Variants in CRKL observed in about 807,000 individuals in gnomAD.
The protein encoded by CRKL is crk-like protein.
A neutral mutation model predicts 23.0 loss-of-function variants in CRKL; 3 were observed. The observed-to-expected ratio is 0.13, with a 90% confidence interval of 0.06 to 0.34. The LOEUF (loss-of-function observed/expected upper bound fraction) is 0.34. CRKL is among the 10% of genes least tolerant of loss of function. The pLI is 1.00. For synonymous variants in CRKL, 188 were observed against 160.7 expected, an observed-to-expected ratio of 1.17 and a Z score of -1.28; for missense variants, 256 against 394.5, an observed-to-expected ratio of 0.65 and a Z score of 2.97.
At chr22:20,937,330 G>A (rs2147908698) in intron 2 of CRKL, among the ~76,000 whole-genome samples, 1 of 152,020 alleles carries the variant, frequency 6.6e-6, no homozygotes, top group African/African-American at 2.4e-5. Flanking sequence ...GGGGAGCTAG[G>A]AGTCAGAGTG....
At chr22:20,944,098 G>A (rs1921969802) in intron 2 of CRKL, among the ~76,000 whole-genome samples, 1 of 150,748 alleles carries the variant, frequency 6.6e-6, no homozygotes, top group Non-Finnish European at 1.5e-5. Context: ...AATTTTGATA[G>A]GGATTGTGTT....
intron 2 of CRKL, among the ~76,000 whole-genome samples, chr22:20,936,378 C>T (rs975154409): frequency 1.3e-5 from 2 of 152,004 alleles, no homozygotes; most frequent in Non-Finnish European, 2.9e-5. Flanking sequence ...GACGGAGTTT[C>T]GCTCTTGTTG....
rs1221209545 is a variant in CRKL at position 20,933,858 on chromosome 22, C to G, written c.391C>G (p.Leu131Val). 1.2e-6 allele frequency: 2 copies of G among 1,613,970 alleles called. No homozygotes were observed. The highest frequency in any genetic ancestry group is 2.7e-5 in the African/African-American group (2 of 74,850). ...AGATAACCTGGAATATGTACGGACT[C>G]TGTATGATTTTCCTGGGAATGATGC... ...AEDNLEYVRT[L>V]YDFPGNDAED... The change falls in exon 2 of 3, where the codon CTG (leucine) becomes GTG (valine). Residue 131 changes from leucine to valine, a missense_variant. This residue lies in a region of CRKL where 129 missense variants were observed against 222.1 expected (regional missense o/e 0.58). Transcript: ENST00000354336.
Position 20,953,092 on chromosome 22 carries a change from T to A in CRKL, c.*3247T>A, listed in dbSNP as rs1301035198. 5 of 232,124 alleles carry A rather than the reference T, an allele frequency of 2.2e-5. No individual in the cohort carries two copies. Among genetic ancestry groups the A allele is most frequent in the Non-Finnish European group, 8.5e-6 (1 of 117,124 alleles). 14.4% of individuals were successfully genotyped at this position (232,124 alleles called of 1,614,324 possible). ...TGTTTGCTCAGAGGAATATGAACAT[T>A]TTATTTTTGAAAAGGGATGATGTGG... On this transcript the variant is annotated 3_prime_UTR_variant, in exon 3 of 3. Transcript: ENST00000354336.
intron 2 of CRKL, among the ~76,000 whole-genome samples, chr22:20,947,801 C>T (rs1208498025): frequency 5.3e-5 from 8 of 150,280 alleles, no homozygotes; most frequent in Admixed American, 2.0e-4. Context: ...GATCTTCGCA[C>T]CTCATTCTCC....
chr22:20,917,836 G>A lies in CRKL; in HGVS notation c.-99G>A. 1 of 1,191,140 alleles carries A rather than the reference G, an allele frequency of 8.4e-7. No homozygotes were observed. Among genetic ancestry groups the A allele is most frequent in the South Asian group, 1.5e-5 (1 of 65,392 alleles). 73.8% of individuals were successfully genotyped at this position (1,191,140 alleles called of 1,614,324 possible). A position where few individuals can be genotyped will look rare whatever the true frequency, so the allele number is the denominator to read the frequency against. Reference sequence around the variant, plus strand: ...GAGCGCTCCTCGAGGTGTGCGAGAGGCCCTTCCTCGGCCCCAAAGCCGTCT... The same window carrying A: ...GAGCGCTCCTCGAGGTGTGCGAGAGACCCTTCCTCGGCCCCAAAGCCGTCT... On this transcript the variant is annotated 5_prime_UTR_variant, in exon 1 of 3. Transcript: ENST00000354336.
At chr22:20,939,033 TC>T (rs1921762811) in intron 2 of CRKL, among the ~76,000 whole-genome samples, 1 of 152,136 alleles carries the variant, frequency 6.6e-6, no homozygotes. Context: ...GTCATTTAGT[TC>T]AATCATTTTC....
At chr22:20,944,530 A>C (rs1921987416) in intron 2 of CRKL, among the ~76,000 whole-genome samples, 1 of 151,698 alleles carries the variant, frequency 6.6e-6, no homozygotes, top group Non-Finnish European at 1.5e-5. Context: ...TCAGCCTCCC[A>C]AGTAGCTGGG....
At chr22:20,932,221 G>A (rs1921482020) in intron 1 of CRKL, among the ~76,000 whole-genome samples, 1 of 152,084 alleles carries the variant, frequency 6.6e-6, no homozygotes, top group Non-Finnish European at 1.5e-5. Context: ...TAATGCTCCT[G>A]CCTCAGCCTC....
chr22:20,941,597 T>A lies in CRKL; in HGVS notation c.777+7353T>A, dbSNP rs1219917311. Among the ~76,000 whole-genome samples the A allele has an allele frequency of 3.4e-4, 31 of 91,684 alleles. 1 individual carries two copies. Among genetic ancestry groups the A allele is most frequent in the East Asian group, 1.1e-3 (3 of 2,702 alleles). The allele number at this position is 91,684 out of a possible 152,430, so 60.1% of individuals were successfully genotyped here. ...GTGTGTGTATATATATATTTTTTTT[T>A]TTTTTTTTTTTTTTTGAGATAGAGT... On this transcript the variant is annotated intron_variant, in intron 2 of 2. Coordinates refer to ENST00000354336, the MANE Select transcript of CRKL (RefSeq NM_005207.4).
chr22:20,932,792 T>C (rs965771798), intron 1 of CRKL, among the ~76,000 whole-genome samples: 8 of 151,864 alleles, frequency 5.3e-5, no homozygotes, highest in Non-Finnish European at 1.2e-4. Context: ...GAAAGGAAAA[T>C]AAAGCCAGGC....
intron 1 of CRKL, among the ~76,000 whole-genome samples, chr22:20,929,568 A>G (rs750126285): frequency 2.6e-5 from 4 of 151,992 alleles, no homozygotes; most frequent in Non-Finnish European, 4.4e-5. Context: ...GGTTCAAGCA[A>G]TTCTCTTGCC....
chr22:20,938,886 G>A (rs551680927), intron 2 of CRKL, among the ~76,000 whole-genome samples: 130 of 152,254 alleles, frequency 8.5e-4, no homozygotes, highest in Non-Finnish European at 1.6e-3. Context: ...GACACAAGCT[G>A]GGGATCTGTG....
chr22:20,934,573 A>G (rs1420219333), intron 2 of CRKL, among the ~76,000 whole-genome samples: 1 of 151,726 alleles, frequency 6.6e-6, no homozygotes, highest in Non-Finnish European at 1.5e-5. Flanking sequence ...GTTCTGTCCT[A>G]TTCCTTGTTT....
rs763362875 is a variant in CRKL, at chr22:20,949,870, CT to C, written c.*28del. On this transcript the variant is annotated 3_prime_UTR_variant, in exon 3 of 3. Transcript: ENST00000354336. ...ATTGCTGTTGCCCTGTTTCCTGCTG[CT>C]TTGTTGTTCTGCCTGTCCTAGTCTC... The C allele has an allele frequency of 5.6e-6, 9 of 1,594,728 alleles. No homozygotes were observed. Among genetic ancestry groups the C allele is most frequent in the Admixed American group, 3.6e-5 (2 of 55,188 alleles).
At chr22:20,937,392 A>G (rs1197510200) in intron 2 of CRKL, among the ~76,000 whole-genome samples, 2 of 149,872 alleles carry the variant, frequency 1.3e-5, no homozygotes, top group Non-Finnish European at 3.0e-5. Flanking sequence ...TTGAAAGTCG[A>G]GGCTCCCAGT....
At chr22:20,927,250 G>A (rs572011905) in intron 1 of CRKL, among the ~76,000 whole-genome samples, 1 of 126,708 alleles carries the variant, frequency 7.9e-6, no homozygotes, top group Non-Finnish European at 1.6e-5. Context: ...AAGTGCAGTG[G>A]CATGATCTCG....
chr22:20,939,858 G>A (rs191651869), intron 2 of CRKL, among the ~76,000 whole-genome samples: 7 of 149,266 alleles, frequency 4.7e-5, no homozygotes, highest in South Asian at 2.1e-4. Flanking sequence ...GCGTGATCTC[G>A]GCTCACTGCA....
intron 1 of CRKL, among the ~76,000 whole-genome samples, chr22:20,922,461 G>A (rs186236056): frequency 2.2e-4 from 33 of 152,254 alleles, no homozygotes; most frequent in Admixed American, 9.2e-4. Flanking sequence ...ACCTGGGGCT[G>A]TTATTGTAAT....
Sources: allele counts gnomAD v4.1 joint callset (sites outside exome capture counted in the v4.1 genomes callset), GRCh38; gene constraint gnomAD v4.1.1; regional missense constraint gnomAD v4.1.1; transcripts MANE v1.5; gene names NCBI Gene and HGNC (gene_info 2026-07-23, HGNC 2026-07-21).